MAP3K15: variants seen among roughly 807,000 people sequenced by gnomAD.
MAP3K15 encodes the protein MAPK/ERK kinase kinase 15.
Under a neutral mutation model 99.5 loss-of-function variants are expected in MAP3K15, and 124 were observed. That is an observed-to-expected ratio of 1.25 (90% CI 1.08 to 1.45). The LOEUF is 1.45. Ranked by LOEUF, MAP3K15 falls within the 40% of genes most tolerant of loss-of-function variation. The probability of loss-of-function intolerance (pLI) is 0.00; values close to 1 mark genes in which losing one functional copy is unlikely to be tolerated. For synonymous variants in MAP3K15, 494 were observed against 439.6 expected (o/e 1.12, Z -1.55); for missense variants, 1,242 against 1,079.7 (o/e 1.15, Z -2.11).
intron 1 of MAP3K15, among the ~76,000 whole-genome samples, chrX:19,489,993 G>A (rs2064356755): frequency 9.0e-6 from 1 of 110,953 alleles, no homozygotes; most frequent in Admixed American, 9.6e-5. Flanking sequence ...CTCAGATCGT[G>A]CCACTGCACT....
chrX:19,456,307 C>T (rs1333297508), intron 6 of MAP3K15, among the ~76,000 whole-genome samples: 2 of 111,891 alleles, frequency 1.8e-5, no homozygotes, highest in East Asian at 2.8e-4. Context: ...GCAATGAGAA[C>T]GAACAAACCA....
chrX:19,377,180 T>C (rs1379721194), intron 19 of MAP3K15, among the ~76,000 whole-genome samples: 2 of 112,593 alleles, frequency 1.8e-5, no homozygotes, highest in Non-Finnish European at 3.7e-5. Flanking sequence ...ACAGGGGCCA[T>C]TACTTATTTA....
At chrX:19,484,296 C>T (rs890013013) in intron 3 of MAP3K15, among the ~76,000 whole-genome samples, 2 of 111,094 alleles carry the variant, frequency 1.8e-5, no homozygotes, top group African/African-American at 6.6e-5. Context: ...CACATGTGAG[C>T]GATCTAGGCT....
Position 19,380,251 on chromosome X carries a change from T to C in MAP3K15, c.2458A>G (p.Ile820Val). 8.3e-7 allele frequency: 1 copy of C among 1,209,139 alleles called. No homozygotes were observed. Among genetic ancestry groups the C allele is most frequent in the Non-Finnish European group, 1.1e-6 (1 of 894,657 alleles). The stretch of plus-strand genomic sequence containing the variant: ...TATCCGCGAGGCCCTTGGTCAATTA[T>C]CTCAGGTGCCATGTACTGCAGGGTG... ...TGTLQYMAPEIIDQGPRGYGA... is the reference protein window; with the variant it reads ...TGTLQYMAPEVIDQGPRGYGA... The change falls in exon 19 of 29, where the codon ATA (isoleucine) becomes GTA (valine). Residue 820 changes from isoleucine to valine, a missense_variant. Coordinates refer to ENST00000338883, the MANE Select transcript of MAP3K15 (RefSeq NM_001001671.4).
At chrX:19,485,378 G>A (rs1322748677) in intron 3 of MAP3K15, among the ~76,000 whole-genome samples, 2 of 101,726 alleles carry the variant, frequency 2.0e-5, no homozygotes, top group Admixed American at 1.1e-4. Flanking sequence ...TCTTACAAGT[G>A]GACAACATCA....
chrX:19,378,483 G>C (rs1448150345), intron 19 of MAP3K15, among the ~76,000 whole-genome samples: 1 of 112,124 alleles, frequency 8.9e-6, no homozygotes, highest in Non-Finnish European at 1.9e-5. Flanking sequence ...GCAGGAGAGA[G>C]AATGAGAACC....
intron 9 of MAP3K15, among the ~76,000 whole-genome samples, chrX:19,415,650 T>C: frequency 9.0e-6 from 1 of 111,079 alleles, no homozygotes; most frequent in African/African-American, 3.3e-5. Context: ...ATAGATACAT[T>C]GGAAAATGTT....
At chrX:19,401,375 T>G (rs2063607215) in intron 13 of MAP3K15, among the ~76,000 whole-genome samples, 1 of 110,213 alleles carries the variant, frequency 9.1e-6, no homozygotes, top group African/African-American at 3.3e-5. Context: ...ATTTTTGTAT[T>G]TTTTGTAGAC....
chrX:19,366,371 G>C (rs191407741), intron 25 of MAP3K15, among the ~76,000 whole-genome samples: 8 of 111,695 alleles, frequency 7.2e-5, no homozygotes, highest in Non-Finnish European at 1.5e-4. Context: ...TCTTCCTTTG[G>C]CTCTGCCCAA....
At chrX:19,419,720 A>C (rs1411042279) in intron 9 of MAP3K15, among the ~76,000 whole-genome samples, 3 of 111,712 alleles carry the variant, frequency 2.7e-5, no homozygotes, top group East Asian at 2.8e-4. Flanking sequence ...CTCCACCCCA[A>C]ATCAACAGAA....
chrX:19,484,777 T>C (rs751586790), intron 3 of MAP3K15, among the ~76,000 whole-genome samples: 1 of 112,240 alleles, frequency 8.9e-6, no homozygotes, highest in East Asian at 2.8e-4. Flanking sequence ...GTTACATCTT[T>C]TTGCTTGTAT....
At chrX:19,501,896 T>A (rs773416936) in intron 1 of MAP3K15, among the ~76,000 whole-genome samples, 2 of 111,185 alleles carry the variant, frequency 1.8e-5, no homozygotes, top group East Asian at 5.7e-4. Flanking sequence ...TGAAACCCCA[T>A]CTCTACTAAA....
In MAP3K15 at chrX:19,362,816, ACT is replaced by A. The variant is rs747607452; in HGVS notation, c.3599_3600del (p.Glu1200ValfsTer42). On this transcript the variant is annotated frameshift_variant, in exon 26 of 29. Transcript: ENST00000338883. LOFTEE classifies it high-confidence loss of function. ...LLEHLVEKER[E>X]YQNLLRQTLE... is the part of the protein sequence containing the mutation. Reference sequence around the variant, plus strand: ...AGAGTTTGCCGCAGAAGATTCTGGTACTCTCTCTCTTTTTCAACTAGGTGTTC... The same window carrying A: ...AGAGTTTGCCGCAGAAGATTCTGGTACTCTCTCTTTTTCAACTAGGTGTTC... 8.6e-5 allele frequency: 101 copies of A among 1,176,716 alleles called. No individual in the cohort carries two copies. The highest frequency in any genetic ancestry group is 5.2e-4 in the Middle Eastern group (2 of 3,838).
rs767156489 is a variant in MAP3K15 at position 19,424,388 on chromosome X, A to G, written c.1439+1143T>C. Reference sequence around the variant, plus strand: ...GTGTGCAACATGCAGGTTTGTTACCACAATTCTAACGGAGCTTCATGTCTA... The same window carrying G: ...GTGTGCAACATGCAGGTTTGTTACCGCAATTCTAACGGAGCTTCATGTCTA... On this transcript the variant is annotated intron_variant, in intron 9 of 28. Coordinates refer to ENST00000338883, the MANE Select transcript of MAP3K15 (RefSeq NM_001001671.4). Among the ~76,000 whole-genome samples, 45 of 109,559 alleles carry G rather than the reference A, an allele frequency of 4.1e-4. 1 individual carries two copies. Among genetic ancestry groups the G allele is most frequent in the African/African-American group, 1.3e-3 (38 of 30,180 alleles).
At chrX:19,364,466 G>C (rs998436782) in intron 25 of MAP3K15, among the ~76,000 whole-genome samples, 5 of 111,619 alleles carry the variant, frequency 4.5e-5, no homozygotes, top group African/African-American at 1.6e-4. Flanking sequence ...CCCTCTCTCA[G>C]TCCATTCTCC....
At chrX:19,438,521 C>CTTAG (rs776920140) in intron 6 of MAP3K15, among the ~76,000 whole-genome samples, 5 of 112,310 alleles carry the variant, frequency 4.5e-5, no homozygotes, top group Non-Finnish European at 9.4e-5. Flanking sequence ...GAGGAGGGCA[C>CTTAG]TTAGCCCTTC....
At chrX:19,433,649 A>G (rs141017556) in intron 6 of MAP3K15, among the ~76,000 whole-genome samples, 2,369 of 110,946 alleles carry the variant, frequency 0.021, 60 homozygotes, top group African/African-American at 0.074. Flanking sequence ...TATACATCCT[A>G]TTGGTTTGTT....
chrX:19,474,969 G>C (rs2064232450), intron 3 of MAP3K15, among the ~76,000 whole-genome samples: 1 of 111,129 alleles, frequency 9.0e-6, no homozygotes, highest in Non-Finnish European at 1.9e-5. Context: ...TGGTTTCATG[G>C]AAAAAAATTT....
intron 1 of MAP3K15, among the ~76,000 whole-genome samples, chrX:19,490,026 A>G (rs1247194696): frequency 3.6e-5 from 4 of 109,983 alleles, no homozygotes; most frequent in African/African-American, 1.3e-4. Flanking sequence ...ACAGAGTGAG[A>G]CTCTGTCTCT....
Sources: gnomAD v4.1 joint callset for allele counts (sites outside exome capture counted in the v4.1 genomes callset) on GRCh38, gnomAD v4.1.1 for gene constraint, MANE v1.5 for transcripts, NCBI Gene and HGNC (gene_info 2026-07-23, HGNC 2026-07-21) for gene names.